TP53I13: variants seen among roughly 807,000 people sequenced by gnomAD.
TP53I13 encodes tumor protein p53 inducible protein 13.
Under a neutral mutation model 39.1 loss-of-function variants are expected in TP53I13, and 27 were observed. That is an observed-to-expected ratio of 0.69 (90% CI 0.51 to 0.95). The LOEUF is 0.95. Ranked by LOEUF, TP53I13 falls within the 40% of genes least tolerant of loss-of-function variation. The pLI is 0.00. For synonymous variants in TP53I13, 230 were observed against 224.6 expected (o/e 1.02, Z -0.22); for missense variants, 544 against 520.4 (o/e 1.05, Z -0.44).
chr17:29,576,360 T>C (rs1464295826), downstream of TP53I13: 1 of 1,613,432 alleles, frequency 6.2e-7, no homozygotes, highest in Non-Finnish European at 8.5e-7. Flanking sequence ...GCCATGGGTG[T>C]GTGTTCCGCC....
Position 29,568,780 on chromosome 17 carries a change from C to A in TP53I13, c.22C>A (p.Pro8Thr). 1 of 1,597,188 alleles carries A rather than the reference C, an allele frequency of 6.3e-7. No individual in the cohort carries two copies. The highest frequency in any genetic ancestry group is 1.1e-5 in the South Asian group (1 of 90,884). Reference protein sequence around the residue: MAPPPPSPQLLLLAALAR... With the variant: MAPPPPSTQLLLLAALAR... Reference sequence around the variant, plus strand: ...TGGAATGGCGCCTCCTCCGCCTTCGCCCCAACTGCTTCTCCTGGCAGCCCT... The same window carrying A: ...TGGAATGGCGCCTCCTCCGCCTTCGACCCAACTGCTTCTCCTGGCAGCCCT... The change falls in exon 1 of 7, where the codon CCC becomes ACC. Residue 8 changes from proline (P) to threonine (T), a missense_variant. Transcript: ENST00000301057. This position sits in a 1 kb window ranked among gnomAD's most constrained non-coding sequence, Gnocchi z 4.5.
At chr17:29,575,730 A>T (rs1032682645), downstream of TP53I13, 2 of 1,611,458 alleles carry the variant, frequency 1.2e-6, no homozygotes, top group African/African-American at 2.7e-5. This position sits in a 1 kb window ranked among gnomAD's most constrained non-coding sequence, Gnocchi z 5.5. Context: ...AGGGGCTGTG[A>T]GCGCCGTGTT....
downstream of TP53I13, chr17:29,575,320 C>T (rs1368855392): frequency 6.2e-7 from 1 of 1,613,464 alleles, no homozygotes. This position sits in a 1 kb window ranked among gnomAD's most constrained non-coding sequence, Gnocchi z 5.5. Flanking sequence ...CTGCCCGCAA[C>T]AGTTCCTGAA....
At chr17:29,578,330 A>G in the TP53I13 span, 1 of 1,614,044 alleles carries the variant, frequency 6.2e-7, no homozygotes, top group South Asian at 1.1e-5. Context: ...CCACCTCGTC[A>G]TACACGTCCA....
downstream of TP53I13, chr17:29,576,537 C>G (rs145208703): frequency 1.5e-5 from 24 of 1,613,840 alleles, no homozygotes; most frequent in Non-Finnish European, 1.9e-5. Context: ...GCTGCAGCCT[C>G]CGGAGCTCGT....
downstream of TP53I13, chr17:29,576,036 A>C (rs538649048): frequency 1.9e-6 from 3 of 1,604,824 alleles, no homozygotes; most frequent in South Asian, 3.3e-5. Flanking sequence ...CCTGGGGCTC[A>C]GAACCTACTG....
chr17:29,581,221 C>T, the TP53I13 span: 2 of 774,140 alleles, frequency 2.6e-6, no homozygotes, highest in Non-Finnish European at 4.6e-6. The surrounding 1 kb of genome is among the most constrained non-coding windows in gnomAD (Gnocchi z 4.8). Flanking sequence ...TGCCTCTAGT[C>T]TCTGGGGGGA....
At chr17:29,566,432 A>G (rs1419079302), upstream of TP53I13, 1 of 1,612,458 alleles carries the variant, frequency 6.2e-7, no homozygotes, top group Admixed American at 1.7e-5. Context: ...AGGGCGAGCA[A>G]GCAAAGGCCG....
downstream of TP53I13, chr17:29,575,270 T>G (rs774342882): frequency 8.1e-6 from 13 of 1,595,592 alleles, no homozygotes; most frequent in South Asian, 1.3e-4. The surrounding 1 kb of genome is among the most constrained non-coding windows in gnomAD (Gnocchi z 5.5). Context: ...CCCCCTCACC[T>G]CCCCCTCCAC....
rs1418245608 is a variant in TP53I13 at position 29,572,404 on chromosome 17, C to T, written c.776C>T (p.Pro259Leu). The change falls in exon 6 of 7, where the codon CCT becomes CTT. Residue 259 changes from proline to leucine, a missense_variant. Coordinates refer to ENST00000301057, the MANE Select transcript of TP53I13 (RefSeq NM_138349.4). ...VPTVSLLPGA[P>L]GGNASSRTEA... The stretch of plus-strand genomic sequence containing the variant: ...ACTGTCTCCCTGCTGCCGGGGGCGC[C>T]TGGAGGCAATGCCAGCTCCAGGACA... 1.3e-6 allele frequency: 2 copies of T among 1,593,710 alleles called. No homozygotes were observed. Among genetic ancestry groups the T allele is most frequent in the Admixed American group, 3.4e-5 (2 of 59,194 alleles).
chr17:29,577,244 G>A (rs764542510), downstream of TP53I13: 4 of 1,613,384 alleles, frequency 2.5e-6, no homozygotes, highest in Admixed American at 1.7e-5. Flanking sequence ...AGCTTTTGTC[G>A]CCCCTGCAAG....
the TP53I13 span, chr17:29,582,034 G>A: frequency 3.5e-5 from 57 of 1,611,798 alleles, no homozygotes; most frequent in African/African-American, 6.5e-4. Context: ...TGGCAGCCAC[G>A]TGCAGAGGTG....
At chr17:29,575,988 C>T (rs2033180908), downstream of TP53I13, 1 of 1,549,746 alleles carries the variant, frequency 6.5e-7, no homozygotes, top group African/African-American at 1.4e-5. The surrounding 1 kb of genome is among the most constrained non-coding windows in gnomAD (Gnocchi z 5.5). Flanking sequence ...TCAGTCTAAT[C>T]ATCTTAAGCC....
At chr17:29,576,982 A>G (rs761987348), downstream of TP53I13, 4 of 1,603,048 alleles carry the variant, frequency 2.5e-6, no homozygotes, top group Non-Finnish European at 2.5e-6. Context: ...CTCCGCAGAG[A>G]CAGCTCGAGG....
At chr17:29,581,249 C>A in the TP53I13 span, 15 of 916,692 alleles carry the variant, frequency 1.6e-5, no homozygotes, top group Non-Finnish European at 2.7e-5. This position sits in a 1 kb window ranked among gnomAD's most constrained non-coding sequence, Gnocchi z 4.8. Context: ...GGGTCCTAGG[C>A]CTCTGAAACC....
Position 29,572,840 on chromosome 17 carries a change from C to G in TP53I13, c.1098C>G (p.Pro366=). The change falls in exon 7 of 7, where the codon CCC becomes CCG. Residue 366 remains proline (P), a synonymous_variant. Coordinates refer to ENST00000301057, the MANE Select transcript of TP53I13 (RefSeq NM_138349.4). ...AAVLKRRLLQ[P]SRRVKRSRRR... Reference sequence around the variant, plus strand: ...TGCTGAAGCGGAGGCTGCTGCAGCCCTCGCGCCGGGTCAAGCGCTCGCGCC... The same window carrying G: ...TGCTGAAGCGGAGGCTGCTGCAGCCGTCGCGCCGGGTCAAGCGCTCGCGCC... 2 of 1,527,102 alleles carry G rather than the reference C, an allele frequency of 1.3e-6. No individual in the cohort carries two copies. The highest frequency in any genetic ancestry group is 1.2e-5 in the South Asian group (1 of 82,998). 94.6% of individuals were successfully genotyped at this position (1,527,102 alleles called of 1,614,324 possible).
downstream of TP53I13, chr17:29,574,269 G>T (rs1234533268): frequency 5.0e-6 from 1 of 198,166 alleles, no homozygotes; most frequent in South Asian, 9.1e-5. Context: ...GACATCCATG[G>T]AGACTATGTA....
downstream of TP53I13, chr17:29,575,690 C>T (rs149623045): frequency 5.0e-6 from 8 of 1,612,430 alleles, no homozygotes; most frequent in African/African-American, 8.0e-5. This position sits in a 1 kb window ranked among gnomAD's most constrained non-coding sequence, Gnocchi z 5.5. Flanking sequence ...ACTGCCGTGG[C>T]GGGAAAGCTT....
At chr17:29,569,602 A>G (rs2032849086) in intron 3 of TP53I13, 1 of 420,712 alleles carries the variant, frequency 2.4e-6, no homozygotes, top group East Asian at 3.6e-5. Context: ...GCTGTTGGGT[A>G]GCTGGCTCTG....
Sources: allele counts gnomAD v4.1 joint callset, GRCh38; gene constraint gnomAD v4.1.1; non-coding constraint Gnocchi (gnomAD v3.1); transcripts MANE v1.5; gene names NCBI Gene and HGNC (gene_info 2026-07-23, HGNC 2026-07-21).